CDC14B: variants seen among roughly 807,000 people sequenced by gnomAD.
CDC14B encodes dual specificity protein phosphatase CDC14B.
CDC14B carries 22 observed loss-of-function variants against 64.2 expected under a neutral mutation model. The observed-to-expected ratio is 0.34, with a 90% CI of 0.24 to 0.49. The LOEUF (loss-of-function observed/expected upper bound fraction) is 0.49, where lower values mean the gene tolerates loss of function less well. Among genes scored for constraint, CDC14B ranks in the 20% least tolerant of loss-of-function variants. CDC14B has a pLI of 0.99. For missense variants in CDC14B, 498 were observed against 629.9 expected, an observed-to-expected ratio of 0.79 and a Z score of 2.24; for synonymous variants, 191 against 215.8, an observed-to-expected ratio of 0.89 and a Z score of 1.01.
Position 96,515,544 on chromosome 9 carries a change from CA to C in CDC14B, c.1344-5756del. 1 of 1,175,176 alleles carries C rather than the reference CA, an allele frequency of 8.5e-7. No individual in the cohort carries two copies. 72.8% of individuals were successfully genotyped at this position (1,175,176 alleles called of 1,614,324 possible). A position where few individuals can be genotyped will look rare whatever the true frequency, so the allele number is the denominator to read the frequency against. On this transcript the variant is annotated intron_variant, in intron 12 of 13. Transcript: ENST00000375241. This position sits in a 1 kb window ranked among gnomAD's most constrained non-coding sequence, Gnocchi z 4.3. ...CAGAAAAAGAACCTTTGAAAATAGG[CA>C]AACCAACAAAGCTAGGAGCTGACAA...
intron 1 of CDC14B, among the ~76,000 whole-genome samples, chr9:96,588,694 C>T (rs1192708447): frequency 6.6e-6 from 1 of 152,064 alleles, no homozygotes; most frequent in Non-Finnish European, 1.5e-5. Context: ...GCTATGTTAA[C>T]CAGACTGGTC....
chr9:96,536,273 C>T (rs2131767782), intron 7 of CDC14B, among the ~76,000 whole-genome samples: 1 of 152,314 alleles, frequency 6.6e-6, no homozygotes, highest in Non-Finnish European at 1.5e-5. Flanking sequence ...AGCCCAGACC[C>T]TCCAATCTCT....
intron 7 of CDC14B, among the ~76,000 whole-genome samples, chr9:96,536,911 A>T (rs890684417): frequency 1.3e-5 from 2 of 152,158 alleles, no homozygotes; most frequent in African/African-American, 4.8e-5. Flanking sequence ...TTCTTTTTAA[A>T]ATATATATAC....
intron 1 of CDC14B, among the ~76,000 whole-genome samples, chr9:96,610,682 T>G (rs912074109): frequency 2.0e-5 from 3 of 151,076 alleles, no homozygotes; most frequent in Non-Finnish European, 2.9e-5. Context: ...CTGTTATAGT[T>G]ATAACAACTC....
chr9:96,507,668 C>G (rs1347765033), intron 13 of CDC14B, among the ~76,000 whole-genome samples: 1 of 152,118 alleles, frequency 6.6e-6, no homozygotes, highest in Non-Finnish European at 1.5e-5. Context: ...CCTGCCTCGG[C>G]CTCCCAAAGT....
intron 9 of CDC14B, among the ~76,000 whole-genome samples, chr9:96,530,667 T>C (rs1026150927): frequency 5.3e-5 from 8 of 151,814 alleles, no homozygotes; most frequent in Non-Finnish European, 1.2e-4. Context: ...TTTTTTTTTT[T>C]GCTTACTTCC....
In CDC14B at chr9:96,502,306, G is replaced by A. The variant is rs1833623750; in HGVS notation, c.*1447C>T. Reference sequence around the variant, plus strand: ...TCTTCCAAGAAAGTACACCAAAATGGAGGCACTGCCTTTCAATTACTTTTT... The same window carrying A: ...TCTTCCAAGAAAGTACACCAAAATGAAGGCACTGCCTTTCAATTACTTTTT... On this transcript the variant is annotated 3_prime_UTR_variant, in exon 14 of 14. Transcript: ENST00000375241. The A allele has an allele frequency of 6.6e-6, 1 of 152,242 alleles. No individual in the cohort carries two copies. Among genetic ancestry groups the A allele is most frequent in the Non-Finnish European group, 1.5e-5 (1 of 68,044 alleles). The allele number at this position is 152,242 out of a possible 1,614,324, so 9.4% of individuals were successfully genotyped here. A position where few individuals can be genotyped will look rare whatever the true frequency, so the allele number is the denominator to read the frequency against.
chr9:96,521,497 A>G lies in CDC14B; in HGVS notation c.1343+1009T>C, dbSNP rs149136856. ...CCTACATTCATTCACATAACACTGC[A>G]TATTGTAAAACTCAATTCTTTGCCT... On this transcript the variant is annotated intron_variant, in intron 12 of 13. Coordinates refer to ENST00000375241, the MANE Select transcript of CDC14B (RefSeq NM_033331.4). 3.9e-5 allele frequency among the ~76,000 whole-genome samples: 6 copies of G among 152,366 alleles called. No homozygotes were observed. In the East Asian group the frequency reaches 7.7e-4, roughly 20 times the overall value.
intron 12 of CDC14B, among the ~76,000 whole-genome samples, chr9:96,521,065 T>TTTTG (rs1002401279): frequency 2.0e-5 from 3 of 152,072 alleles, no homozygotes; most frequent in Admixed American, 6.6e-5. Context: ...AAGGCACTAT[T>TTTTG]TTTGTTTGTT....
chr9:96,538,311 A>G (rs1839565801), intron 7 of CDC14B, among the ~76,000 whole-genome samples: 1 of 152,198 alleles, frequency 6.6e-6, no homozygotes, highest in Non-Finnish European at 1.5e-5. Context: ...TCCCACTGAG[A>G]ATTGGGACAG....
chr9:96,527,089 C>T (rs981130591), intron 9 of CDC14B, among the ~76,000 whole-genome samples: 1 of 152,142 alleles, frequency 6.6e-6, no homozygotes, highest in African/African-American at 2.4e-5. Flanking sequence ...GCTCACTGAA[C>T]ATGTTTAAGA....
At chr9:96,530,064 T>A (rs891093765) in intron 9 of CDC14B, among the ~76,000 whole-genome samples, 1 of 152,212 alleles carries the variant, frequency 6.6e-6, no homozygotes, top group African/African-American at 2.4e-5. Context: ...TCAAAAATGT[T>A]TTATACAAAT....
At chr9:96,495,100 C>G (rs1041818103) in intron 13 of CDC14B, among the ~76,000 whole-genome samples, 25 of 151,988 alleles carry the variant, frequency 1.6e-4, no homozygotes, top group African/African-American at 6.0e-4. Context: ...TCCCAAAGTG[C>G]TGGGATTACA....
At chr9:96,553,483 C>T (rs1355935727) in intron 4 of CDC14B, among the ~76,000 whole-genome samples, 1 of 151,874 alleles carries the variant, frequency 6.6e-6, no homozygotes, top group Non-Finnish European at 1.5e-5. Context: ...CTCAACCTCC[C>T]GAGTAGCTGG....
At chr9:96,578,241 T>G (rs1217683945) in intron 1 of CDC14B, among the ~76,000 whole-genome samples, 1 of 152,166 alleles carries the variant, frequency 6.6e-6, no homozygotes, top group South Asian at 2.1e-4. Context: ...AGTGATTGAG[T>G]AAGTAAATGG....
At chr9:96,538,513 A>G (rs1160521401) in intron 7 of CDC14B, 1 of 152,514 alleles carries the variant, frequency 6.6e-6, no homozygotes, top group Non-Finnish European at 1.5e-5. Flanking sequence ...TGAGGCCAGG[A>G]GTTCAACTCT....
At position 96,542,512 on chromosome 9, in the gene CDC14B, T is replaced by C. The variant is rs571974951; in HGVS notation, c.498-620A>G. On this transcript the variant is annotated intron_variant, in intron 5 of 13. Coordinates refer to ENST00000375241, the MANE Select transcript of CDC14B (RefSeq NM_033331.4). Reference sequence around the variant, plus strand: ...TCTGGGTTTTTTTTTTAAACTTTTTTATAGAGATAACGTCTTGCCCTGTTG... The same window carrying C: ...TCTGGGTTTTTTTTTTAAACTTTTTCATAGAGATAACGTCTTGCCCTGTTG... Among the ~76,000 whole-genome samples the C allele has an allele frequency of 8.1e-4, 124 of 152,240 alleles. 2 individuals are homozygous for C. The highest frequency in any genetic ancestry group is 2.9e-3 in the African/African-American group (122 of 41,544).
At chr9:96,551,001 G>A (rs1052716167) in intron 5 of CDC14B, among the ~76,000 whole-genome samples, 4 of 151,268 alleles carry the variant, frequency 2.6e-5, no homozygotes, top group Admixed American at 1.3e-4. Context: ...AGTAACTACT[G>A]ATTATTGGGA....
intron 4 of CDC14B, among the ~76,000 whole-genome samples, chr9:96,560,900 T>C (rs779724469): frequency 6.6e-6 from 1 of 152,116 alleles, no homozygotes; most frequent in Non-Finnish European, 1.5e-5. Flanking sequence ...TTTCATACTT[T>C]CAGGGATGAT....
Sources: gnomAD v4.1 joint callset for allele counts (sites outside exome capture counted in the v4.1 genomes callset) on GRCh38, gnomAD v4.1.1 for gene constraint, Gnocchi (gnomAD v3.1) non-coding constraint, MANE v1.5 for transcripts, NCBI Gene and HGNC (gene_info 2026-07-23, HGNC 2026-07-21) for gene names.